The following PPP1R12A variants were observed in gnomAD, a reference collection of about 807,000 sequenced individuals.
PPP1R12A encodes myosin binding subunit.
In PPP1R12A, 19 loss-of-function variants were observed where a neutral mutation model predicts 139.6. That is an observed-to-expected ratio of 0.14 (90% confidence interval 0.09 to 0.20). PPP1R12A has a LOEUF of 0.20. Ranked by LOEUF, PPP1R12A falls within the 10% of genes least tolerant of loss-of-function variation. The probability of loss-of-function intolerance (pLI) is 1.00; values close to 1 mark genes in which losing one functional copy is unlikely to be tolerated. For synonymous variants in PPP1R12A, 427 were observed against 420.6 expected (o/e 1.02, Z -0.19); for missense variants, 925 against 1,211.5 (o/e 0.76, Z 3.51).
At chr12:79,927,028 C>G (rs1228593634) in intron 1 of PPP1R12A, among the ~76,000 whole-genome samples, 1 of 50,856 alleles carries the variant, frequency 2.0e-5, no homozygotes, top group Admixed American at 2.7e-4. Flanking sequence ...GAGACTCTGT[C>G]AAAGAAAAAA....
At chr12:79,798,382 A>G (rs1565744918) in intron 15 of PPP1R12A, 112 bp downstream of exon 15, 1 of 667,426 alleles carries the variant, frequency 1.5e-6, no homozygotes. Flanking sequence ...TGACATCAAT[A>G]TTTTCACAAC....
At chr12:79,804,859 T>C (rs976144457) in intron 14 of PPP1R12A, among the ~76,000 whole-genome samples, 1 of 152,070 alleles carries the variant, frequency 6.6e-6, no homozygotes, top group African/African-American at 2.4e-5. Flanking sequence ...AAAAGTAAAA[T>C]AGTCACATAT....
rs150009455 is a variant in PPP1R12A, at chr12:79,784,466, C to T, written c.2907+1908G>A. Among the ~76,000 whole-genome samples the T allele has an allele frequency of 1.3e-3, 199 of 152,192 alleles. 1 individual carries two copies. Among genetic ancestry groups the T allele is most frequent in the East Asian group, 0.012 (63 of 5,168 alleles). Reference sequence around the variant, plus strand: ...CTGCTCCATACTGGGTAGTAACAGGCTAATTCTATCAATTCCCCTCTCTTG... The same window carrying T: ...CTGCTCCATACTGGGTAGTAACAGGTTAATTCTATCAATTCCCCTCTCTTG... On this transcript the variant is annotated intron_variant, in intron 22 of 24. Coordinates refer to ENST00000450142, the MANE Select transcript of PPP1R12A (RefSeq NM_002480.3).
At chr12:79,870,823 A>G (rs1289743717) in intron 2 of PPP1R12A, among the ~76,000 whole-genome samples, 3 of 152,232 alleles carry the variant, frequency 2.0e-5, no homozygotes, top group Non-Finnish European at 2.9e-5. Context: ...GTAAAAGCTG[A>G]ATATGCCAAG....
At chr12:79,901,252 C>T (rs1016584188) in intron 1 of PPP1R12A, among the ~76,000 whole-genome samples, 2 of 152,108 alleles carry the variant, frequency 1.3e-5, no homozygotes, top group Non-Finnish European at 2.9e-5. Flanking sequence ...AGTAATCACA[C>T]TCAAACACCA....
rs184962517 is a variant in PPP1R12A, at chr12:79,777,739, T to A, written c.3006+811A>T. 1,695 of 722,616 alleles carry A rather than the reference T, an allele frequency of 2.3e-3. 26 individuals carry two copies. In the African/African-American group the frequency reaches 0.031, roughly 13 times the overall value. 44.8% of individuals were successfully genotyped at this position (722,616 alleles called of 1,614,324 possible). ...TAAGAATGTAATCACAGGTAATTTT[T>A]TAAAAATATTACGTCTTAAAGGAAC... On this transcript the variant is annotated intron_variant, in intron 24 of 24. Coordinates refer to ENST00000450142, the MANE Select transcript of PPP1R12A (RefSeq NM_002480.3).
chr12:79,872,955 A>C lies in PPP1R12A; in HGVS notation c.238-17T>G, dbSNP rs1376099023. On this transcript the variant is annotated splice_polypyrimidine_tract_variant and intron_variant, in intron 1 of 24. Coordinates refer to ENST00000450142, the MANE Select transcript of PPP1R12A (RefSeq NM_002480.3). Reference sequence around the variant, plus strand: ...AATGCAAGCCTAAAAACAAAACAGAAAGCAAGATTGGAAAAAATACGAATT... The same window carrying C: ...AATGCAAGCCTAAAAACAAAACAGACAGCAAGATTGGAAAAAATACGAATT... The C allele has an allele frequency of 6.2e-7, 1 of 1,606,528 alleles. No individual in the cohort carries two copies. Among genetic ancestry groups the C allele is most frequent in the South Asian group, 1.1e-5 (1 of 90,108 alleles).
In PPP1R12A at chr12:79,845,552, AAAACT is replaced by A. The variant is rs1390825180; in HGVS notation, c.369-137_369-133del. On this transcript the variant is annotated intron_variant, in intron 2 of 24. Coordinates refer to ENST00000450142, the MANE Select transcript of PPP1R12A (RefSeq NM_002480.3). ...AGTATATACATTATTTAAATTTTAAAAAACTATCAGGCCAGGCGCAGTGGCTCACG... is the reference window on the plus strand; with the variant it reads ...AGTATATACATTATTTAAATTTTAAAATCAGGCCAGGCGCAGTGGCTCACG... 33 of 653,430 alleles carry A rather than the reference AAAACT, an allele frequency of 5.1e-5. 1 individual carries two copies. In the Middle Eastern group the frequency reaches 1.7e-3, roughly 35 times the overall value. The allele number at this position is 653,430 out of a possible 1,614,324, so 40.5% of individuals were successfully genotyped here. A position where few individuals can be genotyped will look rare whatever the true frequency, so the allele number is the denominator to read the frequency against.
chr12:79,817,506 G>A lies in PPP1R12A; in HGVS notation c.1127C>T (p.Pro376Leu), dbSNP rs750253834. 2.5e-6 allele frequency: 4 copies of A among 1,589,508 alleles called. No individual in the cohort carries two copies. The highest frequency in any genetic ancestry group is 3.4e-6 in the Non-Finnish European group (4 of 1,166,254). ...ESEAETDKTKPLASVTNANTS... is the reference protein window; with the variant it reads ...ESEAETDKTKLLASVTNANTS... ...GTTGGCATTAGTTACAGAAGCCAGG[G>A]GTTTTGTCTTATCTATTAAAGACAA... is the stretch of plus-strand genomic sequence containing the variant. The change falls in exon 9 of 25, where the codon CCC becomes CTC. Residue 376 changes from proline (P) to leucine (L), a missense_variant. Physicochemically the swap from Pro to Leu is moderately conservative, Grantham distance 98. Around this residue, in one of 4 missense-constraint regions of PPP1R12A, gnomAD observed 403 missense variants for 463.7 expected, o/e 0.87. Coordinates refer to ENST00000450142, the MANE Select transcript of PPP1R12A (RefSeq NM_002480.3).
intron 1 of PPP1R12A, among the ~76,000 whole-genome samples, chr12:79,917,184 T>C (rs1213588940): frequency 6.6e-6 from 1 of 152,122 alleles, no homozygotes; most frequent in Non-Finnish European, 1.5e-5. Context: ...AGATGCCATG[T>C]TATACAGAGT....
chr12:79,934,732 T>C lies in PPP1R12A; in HGVS notation c.200A>G (p.Asn67Ser). The C allele has an allele frequency of 4.5e-6, 7 of 1,549,518 alleles. No individual in the cohort carries two copies. The highest frequency in any genetic ancestry group is 6.1e-6 in the Non-Finnish European group (7 of 1,145,742). Residue 67 changes from asparagine (N) to serine (S), a missense_variant, in exon 1 of 25, where the codon AAT (asparagine) becomes AGT (serine). By Grantham distance (46) the Asn-to-Ser change is conservative. Around this residue, in one of 4 missense-constraint regions of PPP1R12A, gnomAD observed 199 missense variants for 352.4 expected, o/e 0.56. Coordinates refer to ENST00000450142, the MANE Select transcript of PPP1R12A (RefSeq NM_002480.3). ...AGTGAGTCCGTCCACATTGGCGTAA[T>C]TGATGTCGGCGCCGCGGTGCAGCAG... is the stretch of plus-strand genomic sequence containing the variant. ...LKLLHRGADI[N>S]YANVDGLTAL...
At chr12:79,830,951 G>A (rs1033105129) in intron 4 of PPP1R12A, among the ~76,000 whole-genome samples, 7 of 152,248 alleles carry the variant, frequency 4.6e-5, no homozygotes, top group Admixed American at 2.6e-4. Context: ...AAGTTAAGGA[G>A]TTTAAAATTT....
chr12:79,812,448 T>TG (rs1874721577), intron 9 of PPP1R12A, among the ~76,000 whole-genome samples: 4 of 147,990 alleles, frequency 2.7e-5, no homozygotes, highest in South Asian at 2.1e-4. Context: ...GCTGTGTGTG[T>TG]TTGTGTGTGT....
chr12:79,785,650 G>C (rs1252611018), intron 22 of PPP1R12A, among the ~76,000 whole-genome samples: 3 of 152,154 alleles, frequency 2.0e-5, no homozygotes, highest in Non-Finnish European at 4.4e-5. Context: ...AAAATTACAG[G>C]ATGCCTTAGA....
At chr12:79,800,410 A>T (rs1034967020) in intron 14 of PPP1R12A, among the ~76,000 whole-genome samples, 1 of 152,154 alleles carries the variant, frequency 6.6e-6, no homozygotes, top group East Asian at 1.9e-4. Context: ...GATTATCTTA[A>T]TAACATTCTT....
chr12:79,920,997 T>C (rs1015732218), intron 1 of PPP1R12A, among the ~76,000 whole-genome samples: 3 of 152,262 alleles, frequency 2.0e-5, no homozygotes, highest in South Asian at 2.1e-4. Flanking sequence ...AGTATCTCAT[T>C]GTGGGTTTGA....
chr12:79,927,504 ATG>A (rs1887934999), intron 1 of PPP1R12A, among the ~76,000 whole-genome samples: 1 of 152,186 alleles, frequency 6.6e-6, no homozygotes, highest in African/African-American at 2.4e-5. Context: ...AAAAAATTAT[ATG>A]TGTGTTTCAC....
chr12:79,815,780 A>G (rs1279634351), intron 9 of PPP1R12A, among the ~76,000 whole-genome samples: 1 of 152,216 alleles, frequency 6.6e-6, no homozygotes, highest in Non-Finnish European at 1.5e-5. Context: ...TGAAGCATAC[A>G]TAATTATTAT....
At chr12:79,789,635 C>T (rs1871556693) in intron 20 of PPP1R12A, 1 of 453,486 alleles carries the variant, frequency 2.2e-6, no homozygotes, top group Non-Finnish European at 4.4e-6. Context: ...CATTTCAATT[C>T]AATAGAATCA....
Sources: gnomAD v4.1 joint callset for allele counts (sites outside exome capture counted in the v4.1 genomes callset) on GRCh38, gnomAD v4.1.1 for gene constraint, gnomAD v4.1.1 regional missense constraint, MANE v1.5 for transcripts, NCBI Gene and HGNC (gene_info 2026-07-23, HGNC 2026-07-21) for gene names.